P4HA2: variants seen among roughly 807,000 people sequenced by gnomAD.
P4HA2 encodes prolyl 4-hydroxylase subunit alpha-2.
A neutral mutation model predicts 76.9 loss-of-function variants in P4HA2; 46 were observed. The ratio of observed to expected loss-of-function variants is 0.60; its 90% CI spans 0.47 to 0.76. The LOEUF (loss-of-function observed/expected upper bound fraction) is 0.76, where lower values mean the gene tolerates loss of function less well. Among genes scored for constraint, P4HA2 ranks in the 30% least tolerant of loss-of-function variants. The probability of loss-of-function intolerance (pLI) is 0.00; values close to 1 mark genes in which losing one functional copy is unlikely to be tolerated. For missense variants in P4HA2, 583 were observed against 669.4 expected, an observed-to-expected ratio of 0.87 and a Z score of 1.42; for synonymous variants, 243 against 254.0, an observed-to-expected ratio of 0.96 and a Z score of 0.41.
intron 12 of P4HA2, among the ~76,000 whole-genome samples, chr5:132,197,762 A>G (rs763183322): frequency 3.3e-5 from 5 of 152,222 alleles, no homozygotes; most frequent in Non-Finnish European, 7.3e-5. Context: ...AGCGACAGAA[A>G]GCAGAATGGT....
chr5:132,219,953 T>G (rs1754438240), intron 1 of P4HA2, among the ~76,000 whole-genome samples: 1 of 152,170 alleles, frequency 6.6e-6, no homozygotes, highest in Non-Finnish European at 1.5e-5. Context: ...TGGCGCCATG[T>G]GTTCATGCCT....
intron 10 of P4HA2, 144 bp downstream of exon 10, chr5:132,203,604 C>T: frequency 3.2e-6 from 2 of 625,484 alleles, no homozygotes; most frequent in South Asian, 3.8e-5. Context: ...ATTCTGGTTT[C>T]CTAAAATGAG....
At chr5:132,210,654 C>G (rs1175760277) in intron 5 of P4HA2, 131 bp from the exon 6 acceptor site, 3 of 869,132 alleles carry the variant, frequency 3.5e-6, no homozygotes, top group African/African-American at 1.7e-5. Flanking sequence ...GACATTTAGA[C>G]TGCATATCCT....
In P4HA2 at chr5:132,191,146, C is replaced by CTT; in HGVS notation, c.*1863_*1864insAA. 6.6e-6 allele frequency among the ~76,000 whole-genome samples: 1 copy of CTT among 152,332 alleles called. No individual in the cohort carries two copies. The highest frequency in any genetic ancestry group is 2.1e-4 in the South Asian group (1 of 4,828). The stretch of plus-strand genomic sequence containing the variant: ...GATCTCTTCATAAGGGCACTAATCC[C>CTT]ACTCACGTGGGCTCCATGCTTACGA... On this transcript the variant is annotated 3_prime_UTR_variant, in exon 15 of 15. Coordinates refer to ENST00000360568, the MANE Select transcript of P4HA2 (RefSeq NM_001017974.2).
chr5:132,219,634 C>T (rs747086307), intron 1 of P4HA2, among the ~76,000 whole-genome samples: 8 of 152,188 alleles, frequency 5.3e-5, no homozygotes, highest in African/African-American at 9.7e-5. Flanking sequence ...TCCTGCCCTG[C>T]TTTTGAGCAC....
At chr5:132,212,347 T>G (rs1036904236) in intron 5 of P4HA2, among the ~76,000 whole-genome samples, 1 of 152,058 alleles carries the variant, frequency 6.6e-6, no homozygotes, top group Non-Finnish European at 1.5e-5. Context: ...AGGAGACAAG[T>G]CAGAATGGTA....
At position 132,192,904 on chromosome 5, in the gene P4HA2, T is replaced by C. The variant is rs1301250987; in HGVS notation, c.*106A>G. The C allele has an allele frequency of 2.5e-5, 20 of 786,142 alleles. No individual in the cohort carries two copies. The allele number at this position is 786,142 out of a possible 1,614,324, so 48.7% of individuals were successfully genotyped here. A position where few individuals can be genotyped will look rare whatever the true frequency, so the allele number is the denominator to read the frequency against. The stretch of plus-strand genomic sequence containing the variant: ...TCCCTCTGCTCCAGACAAACATTCA[T>C]TTCTCCAAAAATCAGCCTGATAGGA... On this transcript the variant is annotated 3_prime_UTR_variant, in exon 15 of 15. Transcript: ENST00000360568.
intron 1 of P4HA2, among the ~76,000 whole-genome samples, chr5:132,224,764 A>C (rs1279178858): frequency 1.3e-5 from 2 of 152,052 alleles, no homozygotes; most frequent in African/African-American, 4.8e-5. Context: ...TATGCCTCTG[A>C]CCTGCTCATT....
At chr5:132,206,250 C>T (rs927043237) in intron 8 of P4HA2, among the ~76,000 whole-genome samples, 1 of 152,202 alleles carries the variant, frequency 6.6e-6, no homozygotes, top group Non-Finnish European at 1.5e-5. Context: ...CCTGGCACAA[C>T]CAACAAAGTA....
chr5:132,204,061 G>A lies in P4HA2; in HGVS notation c.1151+21C>T, dbSNP rs200534177. 79 of 1,594,032 alleles carry A rather than the reference G, an allele frequency of 5.0e-5. No individual in the cohort carries two copies. In the Middle Eastern group the frequency reaches 5.0e-4, roughly 10 times the overall value. On this transcript the variant is annotated intron_variant, in intron 9 of 14. Coordinates refer to ENST00000360568, the MANE Select transcript of P4HA2 (RefSeq NM_001017974.2). ...CTGAAGTTGGGGCTTGAGCAGCTAC[G>A]AACCCCTGCTCTTTGCTTACCTTTT...
chr5:132,217,235 G>A lies in P4HA2; in HGVS notation c.293C>T (p.Pro98Leu), dbSNP rs1754032779. 3 of 1,614,214 alleles carry A rather than the reference G, an allele frequency of 1.9e-6. No individual in the cohort carries two copies. Among genetic ancestry groups the A allele is most frequent in the Non-Finnish European group, 2.5e-6 (3 of 1,180,046 alleles). ...CTGCAGGACAAGGTCCTCCAGCGCAGGCCAGTCTGTGTTTAGCCGCTTCAC... is the reference window on the plus strand; with the variant it reads ...CTGCAGGACAAGGTCCTCCAGCGCAAGCCAGTCTGTGTTTAGCCGCTTCAC... ...KLVKRLNTDW[P>L]ALEDLVLQDS... The change falls in exon 4 of 15, where the codon CCT becomes CTT. Residue 98 changes from proline to leucine, a missense_variant. Transcript: ENST00000360568.
rs376469757 is a variant in P4HA2 at position 132,217,188 on chromosome 5, G to A, written c.331+9C>T. On this transcript the variant is annotated intron_variant, in intron 4 of 14. Coordinates refer to ENST00000360568, the MANE Select transcript of P4HA2 (RefSeq NM_001017974.2). The stretch of plus-strand genomic sequence containing the variant: ...GGGCTCACTCAAGCACCTGCTCACC[G>A]TCCCTCACCTGCAGCTGAGTCCTGC... 7.6e-5 allele frequency: 123 copies of A among 1,613,114 alleles called. No individual in the cohort carries two copies. The highest frequency in any genetic ancestry group is 1.5e-4 in the Admixed American group (9 of 59,926).
intron 5 of P4HA2, 108 bp downstream of exon 5, chr5:132,213,808 A>C: frequency 9.8e-7 from 1 of 1,025,356 alleles, no homozygotes; most frequent in South Asian, 1.5e-5. Flanking sequence ...CAAGAGGTGC[A>C]CCAGAGGTGC....
chr5:132,198,776 G>T, intron 11 of P4HA2, 103 bp downstream of exon 11: 1 of 805,950 alleles, frequency 1.2e-6, no homozygotes, highest in Non-Finnish European at 2.2e-6. Context: ...GAGGACAAGG[G>T]GTGGGGGTAC....
chr5:132,204,104 C>T lies in P4HA2; in HGVS notation c.1129G>A (p.Ala377Thr), dbSNP rs147398523. 5.6e-6 allele frequency: 9 copies of T among 1,613,622 alleles called. No individual in the cohort carries two copies. The East Asian group carries it at 2.0e-4, about 36-fold the overall frequency. The change falls in exon 9 of 15, where the codon GCC becomes ACC. Residue 377 changes from alanine to threonine, a missense_variant. Ala to Thr is a moderately conservative substitution (Grantham distance 58). Transcript: ENST00000360568. ...RDPKTGVLTV[A>T]SYRVSKSSWL... The stretch of plus-strand genomic sequence containing the variant: ...TACCTTTTGGAAACCCGGTAGCTGG[C>T]GACAGTGAGGACTCCTGTCTTGGGA...
intron 10 of P4HA2, 81 bp downstream of exon 10, chr5:132,203,667 C>T (rs1751808240): frequency 1.2e-6 from 1 of 863,542 alleles, no homozygotes; most frequent in East Asian, 2.5e-5. Context: ...GGCCTCTTGG[C>T]CCAGTTCTGG....
chr5:132,220,804 G>A (rs941646084), intron 1 of P4HA2, among the ~76,000 whole-genome samples: 1 of 151,714 alleles, frequency 6.6e-6, no homozygotes, highest in Non-Finnish European at 1.5e-5. Context: ...ATGGGGTTTG[G>A]GCAGAGCCTC....
chr5:132,219,344 T>C (rs912043453), intron 1 of P4HA2, among the ~76,000 whole-genome samples: 8 of 152,198 alleles, frequency 5.3e-5, no homozygotes, highest in Non-Finnish European at 1.0e-4. Flanking sequence ...AAATATTTAC[T>C]GAAGACCTGC....
chr5:132,214,183 T>C (rs1030255814), intron 4 of P4HA2, 130 bp from the exon 5 acceptor site: 12 of 856,366 alleles, frequency 1.4e-5, no homozygotes, highest in Non-Finnish European at 2.1e-5. Flanking sequence ...TCAAAGGCTG[T>C]TGCCCCCTTC....
Sources: gnomAD v4.1 joint callset for allele counts (sites outside exome capture counted in the v4.1 genomes callset) on GRCh38, gnomAD v4.1.1 for gene constraint, MANE v1.5 for transcripts, NCBI Gene and HGNC (gene_info 2026-07-23, HGNC 2026-07-21) for gene names.